Variants in DCAF1 observed in about 807,000 individuals in gnomAD.
The protein encoded by DCAF1 is DDB1- and CUL4-associated factor 1.
A neutral mutation model predicts 128.0 loss-of-function variants in DCAF1; 15 were observed. That is an observed-to-expected ratio of 0.12 (90% CI 0.08 to 0.18). The LOEUF is 0.18. Ranked by LOEUF, DCAF1 falls within the 10% of genes least tolerant of loss-of-function variation. DCAF1 has a pLI of 1.00. For missense variants in DCAF1, 988 were observed against 1,649.5 expected, an observed-to-expected ratio of 0.60 and a Z score of 6.95; for synonymous variants, 610 against 603.0, an observed-to-expected ratio of 1.01 and a Z score of -0.17.
intron 7 of DCAF1, among the ~76,000 whole-genome samples, chr3:51,442,435 C>G (rs1490519094): frequency 6.6e-6 from 1 of 152,234 alleles, no homozygotes; most frequent in Middle Eastern, 3.4e-3. Flanking sequence ...CGGTAGCTCA[C>G]GCCTGTAATC....
intron 10 of DCAF1, among the ~76,000 whole-genome samples, chr3:51,431,241 G>A (rs1217867374): frequency 1.3e-5 from 2 of 152,044 alleles, no homozygotes; most frequent in Non-Finnish European, 2.9e-5. Context: ...CACAAGGCCA[G>A]GCACGGTGGC....
At chr3:51,412,619 T>C in intron 22 of DCAF1, 139 bp from the exon 23 acceptor site, 1 of 1,407,698 alleles carries the variant, frequency 7.1e-7, no homozygotes, top group South Asian at 1.4e-5. Context: ...GAGCTGACTA[T>C]GAAAATGTTA....
In DCAF1 at chr3:51,413,002, A is replaced by T. The variant is rs1055564339; in HGVS notation, c.4101T>A (p.Ala1367=). 1 of 1,613,858 alleles carries T rather than the reference A, an allele frequency of 6.2e-7. No homozygotes were observed. Among genetic ancestry groups the T allele is most frequent in the African/African-American group, 1.3e-5 (1 of 74,936 alleles). Residue 1367 remains alanine, a synonymous_variant, in exon 22 of 25, where the codon GCT becomes GCA. Transcript: ENST00000684031. ...LCTDTKDCYL[A]VIENQGSMDA... is the part of the protein sequence containing the mutation. ...TGCAAGCTCCCTTTACCTCAATGACAGCAAGATAGCAGTCTTTGGTGTCTG... is the reference window on the plus strand; with the variant it reads ...TGCAAGCTCCCTTTACCTCAATGACTGCAAGATAGCAGTCTTTGGTGTCTG...
intron 18 of DCAF1, among the ~76,000 whole-genome samples, chr3:51,416,110 G>C (rs4687777): frequency 0.069 from 10,464 of 151,976 alleles, 914 homozygotes; most frequent in East Asian, 0.33. Flanking sequence ...TCACACTTCA[G>C]GAACTTTACA....
At chr3:51,499,596 C>T (rs533482451) in intron 1 of DCAF1, among the ~76,000 whole-genome samples, 2 of 152,042 alleles carry the variant, frequency 1.3e-5, no homozygotes, top group South Asian at 2.1e-4. Flanking sequence ...CCCGCCCCCC[C>T]ACTCCGGGCG....
At chr3:51,437,311 C>G (rs367857314) in intron 9 of DCAF1, 1 of 479,156 alleles carries the variant, frequency 2.1e-6, no homozygotes, top group Non-Finnish European at 4.1e-6. Context: ...GCAAGAAGAC[C>G]CCAAACTCAG....
chr3:51,487,221 C>T (rs1553655877), intron 2 of DCAF1, among the ~76,000 whole-genome samples: 1 of 152,134 alleles, frequency 6.6e-6, no homozygotes, highest in Non-Finnish European at 1.5e-5. Flanking sequence ...CCGCCCACCT[C>T]AGCTTCCTAA....
intron 6 of DCAF1, among the ~76,000 whole-genome samples, chr3:51,460,015 C>T (rs1703364434): frequency 6.6e-6 from 1 of 152,174 alleles, no homozygotes; most frequent in Non-Finnish European, 1.5e-5. Flanking sequence ...GATGCCCTCT[C>T]TCACCACTCC....
chr3:51,409,114 T>A (rs1234097600), intron 23 of DCAF1, among the ~76,000 whole-genome samples: 1 of 152,192 alleles, frequency 6.6e-6, no homozygotes, highest in Non-Finnish European at 1.5e-5. Flanking sequence ...CACTACCATA[T>A]GCCCTTCCTA....
chr3:51,399,130 A>G (rs1165831967), intron 24 of DCAF1, among the ~76,000 whole-genome samples: 2 of 152,192 alleles, frequency 1.3e-5, no homozygotes, highest in East Asian at 1.9e-4. Context: ...CCCCCATGCC[A>G]CTTTAAATGG....
chr3:51,396,074 G>GAGTC, downstream of DCAF1: 1 of 411,562 alleles, frequency 2.4e-6, no homozygotes, highest in Admixed American at 4.4e-5. Flanking sequence ...ACAAACGCCT[G>GAGTC]AGTCACAGGC....
intron 2 of DCAF1, among the ~76,000 whole-genome samples, chr3:51,484,682 C>CTTTTTTT (rs1228009412): frequency 7.9e-6 from 1 of 127,090 alleles, no homozygotes. Flanking sequence ...TTAATTTTTT[C>CTTTTTTT]TTTTTTTTTT....
At chr3:51,474,073 T>G (rs746717703) in intron 3 of DCAF1, among the ~76,000 whole-genome samples, 1 of 152,012 alleles carries the variant, frequency 6.6e-6, no homozygotes, top group African/African-American at 2.4e-5. Context: ...TTTCCCAAAG[T>G]GCTGGGATTA....
intron 23 of DCAF1, among the ~76,000 whole-genome samples, chr3:51,411,843 C>T (rs1698445894): frequency 6.6e-6 from 1 of 151,966 alleles, no homozygotes. Flanking sequence ...AGTGCGGTGG[C>T]TCATGCTTAT....
At chr3:51,404,734 C>A (rs555588339) in intron 23 of DCAF1, among the ~76,000 whole-genome samples, 1 of 152,334 alleles carries the variant, frequency 6.6e-6, no homozygotes, top group East Asian at 1.9e-4. Flanking sequence ...ATGGTCTGTA[C>A]CAGATTCGGT....
chr3:51,466,246 A>T (rs1704115911), intron 5 of DCAF1, among the ~76,000 whole-genome samples: 1 of 152,164 alleles, frequency 6.6e-6, no homozygotes, highest in Non-Finnish European at 1.5e-5. Context: ...ATAAAGCTTG[A>T]AGAGGCTTAA....
intron 7 of DCAF1, among the ~76,000 whole-genome samples, chr3:51,442,485 A>C (rs1285693149): frequency 5.3e-5 from 8 of 152,014 alleles, no homozygotes; most frequent in Non-Finnish European, 1.0e-4. Flanking sequence ...ATCACCTGAG[A>C]TCAGGAGTTT....
At chr3:51,457,016 C>G (rs1168288459) in intron 6 of DCAF1, among the ~76,000 whole-genome samples, 1 of 152,184 alleles carries the variant, frequency 6.6e-6, no homozygotes, top group Non-Finnish European at 1.5e-5. Context: ...CTCTCCTCCT[C>G]CGAAGGAACA....
In DCAF1 at chr3:51,420,848, G is replaced by A. The variant is rs782474453; in HGVS notation, c.2122C>T (p.Arg708Trp). ...TTAGGGTTCTGAGGCAGCTTTCTCC[G>A]AGGAGTACCAGAGATAAATTTACCA... is the stretch of plus-strand genomic sequence containing the variant. ...SIGKFISGTP[R>W]RKLPQNPKSS... Residue 708 changes from arginine (R) to tryptophan (W), a missense_variant, in exon 15 of 25, where the codon CGG becomes TGG. This residue lies in a region of DCAF1 where 185 missense variants were observed against 248.1 expected (regional missense o/e 0.75). Coordinates refer to ENST00000684031, the MANE Select transcript of DCAF1 (RefSeq NM_001387579.1). This position sits in a 1 kb window ranked among gnomAD's most constrained non-coding sequence, Gnocchi z 6.5. 16 of 1,613,972 alleles carry A rather than the reference G, an allele frequency of 9.9e-6. No homozygotes were observed. Among genetic ancestry groups the A allele is most frequent in the East Asian group, 2.2e-5 (1 of 44,880 alleles).
Sources: gnomAD v4.1 joint callset for allele counts (sites outside exome capture counted in the v4.1 genomes callset) on GRCh38, gnomAD v4.1.1 for gene constraint, gnomAD v4.1.1 regional missense constraint, Gnocchi (gnomAD v3.1) non-coding constraint, MANE v1.5 for transcripts, NCBI Gene and HGNC (gene_info 2026-07-23, HGNC 2026-07-21) for gene names.